The following LINC01488 variants were observed in gnomAD, a reference collection of about 807,000 sequenced individuals.
LINC01488 encodes the protein CCND1-upstream intergenic DNA repair 1.
At chr11:69,489,614 C>T (rs17310712) in intron 1 of LINC01488, among the ~76,000 whole-genome samples, 23,429 of 152,286 alleles carry the variant, frequency 0.15, 2,149 homozygotes, top group Admixed American at 0.24. Context: ...AGGCGGGCTG[C>T]GGACTCCCAT....
chr11:69,493,014 A>G (rs1857248589), exon 4 of LINC01488: 1 of 152,288 alleles, frequency 6.6e-6, no homozygotes, highest in South Asian at 2.1e-4. Context: ...CCACACAGAC[A>G]GCACCTTGGA....
chr11:69,490,394 C>T (rs1480432772), intron 1 of LINC01488: 2 of 152,290 alleles, frequency 1.3e-5, no homozygotes, highest in African/African-American at 2.4e-5. Context: ...ACAGGGACCG[C>T]CTTTCATCCA....
At chr11:69,487,417 G>A (rs1423440190) in intron 1 of LINC01488, among the ~76,000 whole-genome samples, 1 of 152,210 alleles carries the variant, frequency 6.6e-6, no homozygotes, top group African/African-American at 2.4e-5. Flanking sequence ...CCTCTCTGTG[G>A]CCCATTTTCT....
intron 1 of LINC01488, among the ~76,000 whole-genome samples, chr11:69,487,216 G>C (rs1277895027): frequency 6.6e-6 from 1 of 152,194 alleles, no homozygotes; most frequent in African/African-American, 2.4e-5. Context: ...GCACAGAAGA[G>C]AGTAGCGGGA....
At chr11:69,492,012 A>T (rs552852025) in intron 3 of LINC01488, 2 of 152,450 alleles carry the variant, frequency 1.3e-5, no homozygotes, top group Non-Finnish European at 2.9e-5. Flanking sequence ...GGATGGGCAG[A>T]TGGGTTTGGA....
At chr11:69,492,853 GAGATGAAAGACGCATCCACCC>G (rs1293546419) in exon 4 of LINC01488, 2 of 152,256 alleles carry the variant, frequency 1.3e-5, no homozygotes, top group Non-Finnish European at 2.9e-5. Context: ...ACGCAGCATG[GAGATGAAAGACGCATCCACCC>G]AGGAAGGCCC....
At chr11:69,484,564 A>C (rs1590868442) in intron 1 of LINC01488, among the ~76,000 whole-genome samples, 1 of 152,390 alleles carries the variant, frequency 6.6e-6, no homozygotes, top group Non-Finnish European at 1.5e-5. Flanking sequence ...ACAAAGGCAC[A>C]GCTTTTAAGG....
intron 1 of LINC01488, among the ~76,000 whole-genome samples, chr11:69,482,154 T>C (rs1202070955): frequency 6.6e-6 from 1 of 152,154 alleles, no homozygotes; most frequent in African/African-American, 2.4e-5. Flanking sequence ...CTCACAATCA[T>C]GGCAGAAGGC....
chr11:69,482,920 AG>A (rs1857062644), intron 1 of LINC01488, among the ~76,000 whole-genome samples: 1 of 152,166 alleles, frequency 6.6e-6, no homozygotes, highest in African/African-American at 2.4e-5. Context: ...TGAGGATGCC[AG>A]TCATATTGAA....
At chr11:69,486,556 G>A (rs1042925502) in intron 1 of LINC01488, among the ~76,000 whole-genome samples, 15 of 152,216 alleles carry the variant, frequency 9.9e-5, no homozygotes, top group Admixed American at 3.9e-4. Flanking sequence ...GAGAAGACAC[G>A]CAGGGCCAGG....
At chr11:69,486,085 G>A (rs1483752348) in intron 1 of LINC01488, 2 of 149,094 alleles carry the variant, frequency 1.3e-5, no homozygotes, top group South Asian at 4.2e-4. Context: ...AGGGGAAACT[G>A]AGGCCCAGAG....
intron 1 of LINC01488, among the ~76,000 whole-genome samples, chr11:69,487,494 G>A (rs1857143842): frequency 6.6e-6 from 1 of 152,238 alleles, no homozygotes; most frequent in African/African-American, 2.4e-5. Flanking sequence ...GGACTGACGG[G>A]GAGCTAGGTT....
intron 1 of LINC01488, among the ~76,000 whole-genome samples, chr11:69,483,445 A>G (rs1857066754): frequency 6.6e-6 from 1 of 152,216 alleles, no homozygotes; most frequent in African/African-American, 2.4e-5. Context: ...GGTTTTTATG[A>G]GGATAAAATG....
chr11:69,493,042 C>T (rs377227981), exon 4 of LINC01488: 5 of 152,404 alleles, frequency 3.3e-5, no homozygotes, highest in African/African-American at 4.8e-5. Context: ...AGATGTCACT[C>T]ACCACATTGA....
intron 1 of LINC01488, chr11:69,487,932 G>A (rs1035635464): frequency 2.6e-5 from 4 of 152,320 alleles, no homozygotes; most frequent in Non-Finnish European, 4.4e-5. Flanking sequence ...AGCCGCCTTA[G>A]AGATCTCTAT....
intron 1 of LINC01488, among the ~76,000 whole-genome samples, chr11:69,482,756 G>A (rs559995817): frequency 6.6e-6 from 1 of 152,238 alleles, no homozygotes; most frequent in Non-Finnish European, 1.5e-5. Flanking sequence ...ACAAACAGAT[G>A]TTTCTTCTTT....
At chr11:69,489,164 G>C (rs573744926) in intron 1 of LINC01488, among the ~76,000 whole-genome samples, 1 of 152,168 alleles carries the variant, frequency 6.6e-6, no homozygotes, top group South Asian at 2.1e-4. Context: ...CACATGTCAG[G>C]GAGCAGTCCA....
chr11:69,491,380 G>A (rs933453504), exon 3 of LINC01488: 16 of 152,308 alleles, frequency 1.1e-4, no homozygotes, highest in African/African-American at 3.1e-4. Flanking sequence ...GGACCTTCTG[G>A]AAGGACCTTG....
intron 1 of LINC01488, among the ~76,000 whole-genome samples, chr11:69,482,215 G>T (rs970920416): frequency 1.3e-5 from 2 of 152,228 alleles, no homozygotes; most frequent in African/African-American, 4.8e-5. Context: ...GAGAGCATGT[G>T]CAGGGGAACT....
Sources: allele counts gnomAD v4.1 joint callset (sites outside exome capture counted in the v4.1 genomes callset), GRCh38; gene constraint gnomAD v4.1.1; transcripts MANE v1.5; gene names NCBI Gene and HGNC (gene_info 2026-07-23, HGNC 2026-07-21).